LRRC32: variants seen among roughly 807,000 people sequenced by gnomAD.
LRRC32 encodes the protein leucine rich repeat containing 32, also known as transforming growth factor beta activator LRRC32.
LRRC32 carries 5 observed loss-of-function variants against 15.0 expected under a neutral mutation model. The ratio of observed to expected loss-of-function variants is 0.33; its 90% confidence interval spans 0.17 to 0.70. The LOEUF is 0.70. LRRC32 is among the 30% of genes least tolerant of loss of function. The probability of loss-of-function intolerance (pLI) is 0.66; values close to 1 mark genes in which losing one functional copy is unlikely to be tolerated. For synonymous variants in LRRC32, 391 were observed against 403.9 expected (o/e 0.97, Z 0.38); for missense variants, 803 against 854.2 (o/e 0.94, Z 0.75).
chr11:76,669,386 T>TGTGTGTGTGAGA (rs1439284769), intron 1 of LRRC32, among the ~76,000 whole-genome samples: 16 of 127,942 alleles, frequency 1.3e-4, no homozygotes, highest in African/African-American at 4.7e-4. Context: ...TGTGTGTGTG[T>TGTGTGTGTGAGA]GAGAGAGAGA....
chr11:76,660,639 C>T lies in LRRC32; in HGVS notation c.954G>A (p.Leu318=), dbSNP rs542368355. 2.0e-5 allele frequency: 33 copies of T among 1,614,142 alleles called. No individual in the cohort carries two copies. The South Asian group carries it at 3.4e-4, about 17-fold the overall frequency. Residue 318 remains leucine (L), a synonymous_variant, in exon 3 of 3, where the codon TTG becomes TTA. Coordinates refer to ENST00000260061, the MANE Select transcript of LRRC32 (RefSeq NM_001128922.2). ...NASGRPLSQL[L]NLDLSYNEIE... ...TCTCATTGTAGCTCAAATCCAGATT[C>T]AAGAGCTGGGAAAGGGGGCGGCCGC...
At chr11:76,668,537 A>T (rs1952661339) in intron 1 of LRRC32, among the ~76,000 whole-genome samples, 1 of 152,128 alleles carries the variant, frequency 6.6e-6, no homozygotes, top group Non-Finnish European at 1.5e-5. Flanking sequence ...CAACACAGCA[A>T]ATTCATTCCT....
rs533137964 is a variant in LRRC32 at position 76,660,388 on chromosome 11, G to A, written c.1205C>T (p.Pro402Leu). ...GGCCAGATTGGCAAAGGTGTATGGG[G>A]GCAGGTCCCGCAGGGCATTGCCCTG... ...LLQGNALRDLPPYTFANLASL... is the reference protein window; with the variant it reads ...LLQGNALRDLLPYTFANLASL... The change falls in exon 3 of 3, where the codon CCC (proline) becomes CTC (leucine). Residue 402 changes from proline to leucine, a missense_variant. Physicochemically the swap from Pro to Leu is moderately conservative, Grantham distance 98 (BLOSUM62 -3). Transcript: ENST00000260061. The A allele has an allele frequency of 1.1e-5, 17 of 1,613,676 alleles. No homozygotes were observed. The South Asian group carries it at 1.6e-4, about 16-fold the overall frequency.
chr11:76,659,708 T>C lies in LRRC32; in HGVS notation c.1885A>G (p.Ile629Val). The change falls in exon 3 of 3, where the codon ATC (isoleucine) becomes GTC (valine). Residue 629 changes from isoleucine to valine, a missense_variant. Coordinates refer to ENST00000260061, the MANE Select transcript of LRRC32 (RefSeq NM_001128922.2). ...ACCAGTATGAAGGTGAGGATGATGA[T>C]GAGGTTGATGTTCTTCAGTCCCCCC... ...EKGGLKNINLIIILTFILVSA... is the reference protein window; with the variant it reads ...EKGGLKNINLVIILTFILVSA... 1 of 1,614,108 alleles carries C rather than the reference T, an allele frequency of 6.2e-7. No individual in the cohort carries two copies. Among genetic ancestry groups the C allele is most frequent in the Non-Finnish European group, 8.5e-7 (1 of 1,179,958 alleles).
intron 1 of LRRC32, among the ~76,000 whole-genome samples, chr11:76,667,683 G>C (rs1242774931): frequency 6.6e-6 from 1 of 152,256 alleles, no homozygotes; most frequent in African/African-American, 2.4e-5. Flanking sequence ...CCGTTAGAAA[G>C]TTAGCATATT....
At chr11:76,662,428 T>C (rs551851636) in intron 2 of LRRC32, among the ~76,000 whole-genome samples, 16 of 152,196 alleles carry the variant, frequency 1.1e-4, no homozygotes, top group East Asian at 3.9e-4. Context: ...GCCCATCTGA[T>C]ACGATCACCC....
In LRRC32 at chr11:76,660,680, G is replaced by C. The variant is rs1333757439; in HGVS notation, c.913C>G (p.Pro305Ala). 1.2e-6 allele frequency: 2 copies of C among 1,614,120 alleles called. No individual in the cohort carries two copies. Among genetic ancestry groups the C allele is most frequent in the Non-Finnish European group, 1.7e-6 (2 of 1,180,016 alleles). ...EGWSALPLSA[P>A]SGNASGRPLS... ...GGGCGGCCGCTGGCATTCCCGCTGG[G>C]GGCTGAGAGGGGCAGGGCTGACCAG... The change falls in exon 3 of 3, where the codon CCC (proline) becomes GCC (alanine). Residue 305 changes from proline (P) to alanine (A), a missense_variant. Physicochemically the swap from Pro to Ala is conservative, Grantham distance 27. Coordinates refer to ENST00000260061, the MANE Select transcript of LRRC32 (RefSeq NM_001128922.2).
In LRRC32 at chr11:76,660,519, G is replaced by T. The variant is rs149559183; in HGVS notation, c.1074C>A (p.Arg358=). The part of the protein sequence containing the change: ...RNCLRTFEAR[R]LGSLPCLMLL... ...GCATCAGGCAGGGCAGGGAGCCTAA[G>T]CGCCGGGCCTCAAAGGTCCGCAAGC... Residue 358 remains arginine (R), a synonymous_variant, in exon 3 of 3, where the codon CGC becomes CGA. Transcript: ENST00000260061. 2.7e-5 allele frequency: 44 copies of T among 1,614,184 alleles called. No homozygotes were observed. The African/African-American group carries it at 5.7e-4, about 21-fold the overall frequency.
rs566346426 is a variant in LRRC32 at position 76,665,970 on chromosome 11, G to A, written c.-4-12C>T. On this transcript the variant is annotated splice_polypyrimidine_tract_variant and intron_variant, in intron 1 of 2. Transcript: ENST00000260061. ...GGGGTCTCATGGCTCTGTGTAAGGC[G>A]GAGAGGAAAGGGGAACACTGTAAGC... 6.3e-5 allele frequency: 102 copies of A among 1,612,336 alleles called. No homozygotes were observed. The East Asian group carries it at 1.4e-3, about 21-fold the overall frequency.
In LRRC32 at chr11:76,661,524, G is replaced by A; in HGVS notation, c.85-16C>T. Reference sequence around the variant, plus strand: ...TCTTGTCCACCTGGGGAGGGGTAGGGTGGGGAGACAGCTGGCATAAGTGGG... The same window carrying A: ...TCTTGTCCACCTGGGGAGGGGTAGGATGGGGAGACAGCTGGCATAAGTGGG... On this transcript the variant is annotated splice_polypyrimidine_tract_variant and intron_variant, in intron 2 of 2. Transcript: ENST00000260061. The A allele has an allele frequency of 6.4e-7, 1 of 1,569,832 alleles. No individual in the cohort carries two copies.
At position 76,658,560 on chromosome 11, in the gene LRRC32, G is replaced by A. The variant is rs1420586663; in HGVS notation, c.*1044C>T. 6.6e-6 allele frequency: 1 copy of A among 152,330 alleles called. No individual in the cohort carries two copies. Among genetic ancestry groups the A allele is most frequent in the African/African-American group, 2.4e-5 (1 of 41,468 alleles). The allele number at this position is 152,330 out of a possible 1,614,324, so 9.4% of individuals were successfully genotyped here. ...AAAGATCAGGCCCTGGAGACAGAAG[G>A]ATGAAGGTTTGAATCTCACCTATGG... On this transcript the variant is annotated 3_prime_UTR_variant, in exon 3 of 3. Transcript: ENST00000260061.
In LRRC32 at chr11:76,659,339, A is replaced by G. The variant is rs1952468011; in HGVS notation, c.*265T>C. ...AGGGTGTGGCACAAAATACATGCTC[A>G]GTGAAGATTTGTTGATCTGACAGGT... On this transcript the variant is annotated 3_prime_UTR_variant, in exon 3 of 3. Transcript: ENST00000260061. 6.3e-6 allele frequency: 3 copies of G among 473,874 alleles called. No homozygotes were observed. Among genetic ancestry groups the G allele is most frequent in the East Asian group, 3.6e-5 (1 of 27,754 alleles). The allele number at this position is 473,874 out of a possible 1,614,324, so 29.4% of individuals were successfully genotyped here.
In LRRC32 at chr11:76,661,403, T is replaced by C. The variant is rs761383982; in HGVS notation, c.190A>G (p.Ile64Val). ...TAGAAGCCCAGGGGTGAGGCCAGGATACTCCGCAGCTGGTTCCCAGATAGA... is the reference window on the plus strand; with the variant it reads ...TAGAAGCCCAGGGGTGAGGCCAGGACACTCCGCAGCTGGTTCCCAGATAGA... ...LDLSGNQLRS[I>V]LASPLGFYTA... The change falls in exon 3 of 3, where the codon ATC becomes GTC. Residue 64 changes from isoleucine (I) to valine (V), a missense_variant. Physicochemically the swap from Ile to Val is conservative, Grantham distance 29. Coordinates refer to ENST00000260061, the MANE Select transcript of LRRC32 (RefSeq NM_001128922.2). The C allele has an allele frequency of 7.4e-6, 12 of 1,613,990 alleles. No homozygotes were observed. Among genetic ancestry groups the C allele is most frequent in the South Asian group, 1.1e-5 (1 of 91,082 alleles).
At chr11:76,669,247 C>T (rs1296767384) in intron 1 of LRRC32, among the ~76,000 whole-genome samples, 1 of 152,126 alleles carries the variant, frequency 6.6e-6, no homozygotes, top group Non-Finnish European at 1.5e-5. Context: ...GTGAGGTGTG[C>T]TCAGTGGGGA....
chr11:76,667,358 TG>T (rs1426992339), intron 1 of LRRC32, among the ~76,000 whole-genome samples: 1 of 152,130 alleles, frequency 6.6e-6, no homozygotes, highest in Non-Finnish European at 1.5e-5. Context: ...CCTCCCACAG[TG>T]GGTGCTCCCT....
intron 2 of LRRC32, among the ~76,000 whole-genome samples, chr11:76,665,112 A>C (rs1246503576): frequency 6.6e-6 from 1 of 152,222 alleles, no homozygotes; most frequent in Non-Finnish European, 1.5e-5. Context: ...CCTGTATCTC[A>C]TAGAGTCACA....
rs1952471133 is a variant in LRRC32 at position 76,659,506 on chromosome 11, A to G, written c.*98T>C. ...TCCTGGGCTGTAATTTGGAGACCAG[A>G]GTTCTGGGATCCCGGATCACTGTGT... On this transcript the variant is annotated 3_prime_UTR_variant, in exon 3 of 3. Coordinates refer to ENST00000260061, the MANE Select transcript of LRRC32 (RefSeq NM_001128922.2). 1.5e-6 allele frequency: 2 copies of G among 1,312,278 alleles called. No individual in the cohort carries two copies. The highest frequency in any genetic ancestry group is 4.7e-5 in the East Asian group (2 of 42,546). 81.3% of individuals were successfully genotyped at this position (1,312,278 alleles called of 1,614,324 possible). A position where few individuals can be genotyped will look rare whatever the true frequency, so the allele number is the denominator to read the frequency against.
At chr11:76,669,052 G>T (rs1209784262) in intron 1 of LRRC32, among the ~76,000 whole-genome samples, 1 of 152,206 alleles carries the variant, frequency 6.6e-6, no homozygotes, top group East Asian at 1.9e-4. Flanking sequence ...GCTCCCTAAG[G>T]TAAGTCCCTT....
intron 1 of LRRC32, among the ~76,000 whole-genome samples, chr11:76,669,382 TGTGTGA>T (rs1303763422): frequency 0.03 from 4,326 of 145,964 alleles, 61 homozygotes; most frequent in Non-Finnish European, 0.043. Context: ...TGTGTGTGTG[TGTGTGA>T]GAGAGAGAGA....
Sources: gnomAD v4.1 joint callset for allele counts (sites outside exome capture counted in the v4.1 genomes callset) on GRCh38, gnomAD v4.1.1 for gene constraint, MANE v1.5 for transcripts, NCBI Gene and HGNC (gene_info 2026-07-23, HGNC 2026-07-21) for gene names.